PTPRD: variants seen among roughly 807,000 people sequenced by gnomAD.
PTPRD encodes the protein protein tyrosine phosphatase receptor type D, also known as receptor-type tyrosine-protein phosphatase delta.
Under a neutral mutation model 214.5 loss-of-function variants are expected in PTPRD, and 34 were observed. The ratio of observed to expected loss-of-function variants is 0.16; its 90% CI spans 0.12 to 0.21. PTPRD has a LOEUF of 0.21. PTPRD is among the 10% of genes least tolerant of loss of function. The pLI, the probability that PTPRD is intolerant of heterozygous loss-of-function variation, is 1.00. For missense variants in PTPRD, 2,545 were observed against 2,398.7 expected (o/e 1.06, Z -1.27); for synonymous variants, 1,128 against 845.7 (o/e 1.33, Z -5.79).
At chr9:9,452,247 T>C (rs1293806540) in intron 8 of PTPRD, among the ~76,000 whole-genome samples, 2 of 151,466 alleles carry the variant, frequency 1.3e-5, no homozygotes, top group East Asian at 3.9e-4. Flanking sequence ...CAATTGACAA[T>C]AGAATAATAT....
intron 10 of PTPRD, among the ~76,000 whole-genome samples, chr9:9,098,718 T>C (rs1324069980): frequency 6.6e-6 from 1 of 152,196 alleles, no homozygotes. Context: ...TTACACGCTA[T>C]TGGAGAAAAT....
chr9:9,051,877 C>T (rs2099686434), intron 10 of PTPRD, among the ~76,000 whole-genome samples: 1 of 152,152 alleles, frequency 6.6e-6, no homozygotes, highest in South Asian at 2.1e-4. Context: ...TTCCTAGTCT[C>T]ATTGCTCTAT....
At chr9:10,412,623 CACACACACAA>C (rs908242129) in intron 2 of PTPRD, among the ~76,000 whole-genome samples, 24 of 68,540 alleles carry the variant, frequency 3.5e-4, no homozygotes, top group African/African-American at 1.5e-3. Context: ...CGCACGCACA[CACACACACAA>C]ACACACACAC....
intron 5 of PTPRD, among the ~76,000 whole-genome samples, chr9:9,906,466 T>C (rs1480768120): frequency 6.6e-6 from 1 of 151,988 alleles, no homozygotes; most frequent in African/African-American, 2.4e-5. Context: ...ACGTAATCAG[T>C]AGGCAACTGG....
intron 2 of PTPRD, among the ~76,000 whole-genome samples, chr9:10,530,139 G>C (rs1053797151): frequency 2.0e-5 from 3 of 152,054 alleles, no homozygotes; most frequent in African/African-American, 7.2e-5. Flanking sequence ...AAACTGTTTA[G>C]ACAATACATC....
chr9:9,865,018 AT>A (rs1207648529), intron 5 of PTPRD, among the ~76,000 whole-genome samples: 2 of 151,896 alleles, frequency 1.3e-5, no homozygotes, highest in African/African-American at 2.4e-5. Flanking sequence ...ATAAACAAAA[AT>A]ACCTCTATAT....
rs10977392 is a variant in PTPRD, at chr9:8,946,017, C to T, written c.-104+72680G>A. ...AGGAAAGTCCTCCTAAGCCATGTTA[C>T]TCTTGTAGAAAGAGCATGAGATATT... On this transcript the variant is annotated intron_variant, in intron 11 of 45. Transcript: ENST00000381196. Among the ~76,000 whole-genome samples, 4 of 152,278 alleles carry T rather than the reference C, an allele frequency of 2.6e-5. No individual in the cohort carries two copies. The East Asian group carries it at 7.7e-4, about 29-fold the overall frequency.
At chr9:9,347,132 G>A (rs1171810462) in intron 9 of PTPRD, among the ~76,000 whole-genome samples, 1 of 152,054 alleles carries the variant, frequency 6.6e-6, no homozygotes, top group Non-Finnish European at 1.5e-5. Flanking sequence ...TTACTACAAT[G>A]CACTGCAGCC....
intron 14 of PTPRD, among the ~76,000 whole-genome samples, chr9:8,608,349 G>A (rs16928196): frequency 0.19 from 29,613 of 152,046 alleles, 3,082 homozygotes; most frequent in South Asian, 0.31. Context: ...TACTACAAAA[G>A]GGCCAGCATA....
intron 7 of PTPRD, among the ~76,000 whole-genome samples, chr9:9,707,985 T>C (rs1186103014): frequency 6.6e-6 from 1 of 151,994 alleles, no homozygotes; most frequent in East Asian, 1.9e-4. Flanking sequence ...TGTACTTCTT[T>C]CATTTAGAAA....
chr9:8,836,321 A>C lies in PTPRD; in HGVS notation c.-103-102375T>G, dbSNP rs559284036. Among the ~76,000 whole-genome samples, 11 of 152,318 alleles carry C rather than the reference A, an allele frequency of 7.2e-5. No individual in the cohort carries two copies. In the South Asian group the frequency reaches 2.1e-3, roughly 29 times the overall value. On this transcript the variant is annotated intron_variant, in intron 11 of 45. Coordinates refer to ENST00000381196, the MANE Select transcript of PTPRD (RefSeq NM_002839.4). Reference sequence around the variant, plus strand: ...CTACAAGATATGCTCTATTTCACAAAGAAAGAGAGCCCTTGGCACATCTCT... The same window carrying C: ...CTACAAGATATGCTCTATTTCACAACGAAAGAGAGCCCTTGGCACATCTCT...
chr9:8,603,393 T>C (rs16928187), intron 14 of PTPRD, among the ~76,000 whole-genome samples: 25,544 of 152,202 alleles, frequency 0.17, 2,136 homozygotes, highest in Middle Eastern at 0.22. Flanking sequence ...GTAGAAAGGC[T>C]GGGTCTTTGG....
chr9:8,502,853 TA>T (rs1563890440), intron 23 of PTPRD, among the ~76,000 whole-genome samples: 1 of 150,938 alleles, frequency 6.6e-6, no homozygotes, highest in Non-Finnish European at 1.5e-5. Flanking sequence ...TGTGTGTATA[TA>T]TATATATATA....
At chr9:9,485,279 A>C (rs1278139780) in intron 8 of PTPRD, among the ~76,000 whole-genome samples, 1 of 152,222 alleles carries the variant, frequency 6.6e-6, no homozygotes, top group Admixed American at 6.5e-5. Flanking sequence ...AAGTAGTAAA[A>C]CATGTCATTA....
chr9:8,370,197 CAT>C (rs1296507049), intron 39 of PTPRD, among the ~76,000 whole-genome samples: 4,580 of 95,500 alleles, frequency 0.048, 186 homozygotes, highest in African/African-American at 0.11. Flanking sequence ...ATGCACTGCA[CAT>C]ATATATATAC....
chr9:9,836,118 A>G (rs1387037593), intron 5 of PTPRD, among the ~76,000 whole-genome samples: 1 of 152,298 alleles, frequency 6.6e-6, no homozygotes, highest in Non-Finnish European at 1.5e-5. Context: ...GCAGAGCCCA[A>G]TGGTTTGGAC....
chr9:10,048,412 G>A (rs2097448653), intron 3 of PTPRD, among the ~76,000 whole-genome samples: 1 of 152,032 alleles, frequency 6.6e-6, no homozygotes, highest in South Asian at 2.1e-4. Flanking sequence ...TGTAAATGCT[G>A]GGTACTGGCT....
At chr9:9,975,626 T>C (rs2095324406) in intron 4 of PTPRD, among the ~76,000 whole-genome samples, 1 of 152,188 alleles carries the variant, frequency 6.6e-6, no homozygotes, top group Non-Finnish European at 1.5e-5. Flanking sequence ...TTAAAGTTTG[T>C]GATGCAATGC....
At chr9:10,353,530 G>A (rs1319548333) in intron 2 of PTPRD, among the ~76,000 whole-genome samples, 5 of 151,812 alleles carry the variant, frequency 3.3e-5, no homozygotes, top group Non-Finnish European at 5.9e-5. Context: ...CCTCTGCATG[G>A]GAGAAGAGAG....
Sources: gnomAD v4.1 joint callset for allele counts (sites outside exome capture counted in the v4.1 genomes callset) on GRCh38, gnomAD v4.1.1 for gene constraint, MANE v1.5 for transcripts, NCBI Gene and HGNC (gene_info 2026-07-23, HGNC 2026-07-21) for gene names.